EPB41: variants seen among roughly 807,000 people sequenced by gnomAD.
EPB41 encodes the protein erythrocyte membrane protein band 4.1.
A neutral mutation model predicts 108.0 loss-of-function variants in EPB41; 65 were observed. The ratio of observed to expected loss-of-function variants is 0.60; its 90% CI spans 0.49 to 0.74. The LOEUF is 0.74. Among genes scored for constraint, EPB41 ranks in the 30% least tolerant of loss-of-function variants. The pLI is 0.00. For synonymous variants in EPB41, 336 were observed against 358.9 expected, an observed-to-expected ratio of 0.94 and a Z score of 0.72; for missense variants, 875 against 1,037.0, an observed-to-expected ratio of 0.84 and a Z score of 2.15.
At chr1:28,957,651 C>T (rs1431752158) in intron 1 of EPB41, among the ~76,000 whole-genome samples, 2 of 152,176 alleles carry the variant, frequency 1.3e-5, no homozygotes, top group African/African-American at 2.4e-5. Context: ...GCGATCCACC[C>T]GCCTTGGCCT....
chr1:29,051,088 G>GTTTTTTTTTTTTTTTTTTTTTTT (rs71586885), intron 11 of EPB41, among the ~76,000 whole-genome samples: 1 of 51,576 alleles, frequency 1.9e-5, no homozygotes, highest in Non-Finnish European at 3.2e-5. Context: ...TTCTTTTTCT[G>GTTTTTTTTTTTTTTTTTTTTTTT]TTTTTTTTTT....
chr1:29,022,577 C>T (rs573526385), intron 7 of EPB41, among the ~76,000 whole-genome samples: 3 of 150,762 alleles, frequency 2.0e-5, no homozygotes, highest in African/African-American at 5.0e-5. Context: ...AAAAATTAGC[C>T]AGGCATGGTG....
At chr1:28,979,653 A>G (rs1222167904) in intron 1 of EPB41, among the ~76,000 whole-genome samples, 2 of 151,746 alleles carry the variant, frequency 1.3e-5, no homozygotes, top group Non-Finnish European at 2.9e-5. Flanking sequence ...TAAATCTAAT[A>G]TAGCAAAACT....
At chr1:29,107,277 G>A (rs1667525402) in intron 17 of EPB41, among the ~76,000 whole-genome samples, 1 of 152,148 alleles carries the variant, frequency 6.6e-6, no homozygotes, top group African/African-American at 2.4e-5. Context: ...TTCCACAGCT[G>A]GTTACTGTCT....
At chr1:29,048,721 T>C (rs1643964412) in intron 11 of EPB41, among the ~76,000 whole-genome samples, 1 of 152,214 alleles carries the variant, frequency 6.6e-6, no homozygotes, top group Non-Finnish European at 1.5e-5. Flanking sequence ...TTCTTTTTTT[T>C]AGAAAGAGTA....
chr1:28,941,215 A>G (rs2094269708), intron 1 of EPB41, among the ~76,000 whole-genome samples: 1 of 151,688 alleles, frequency 6.6e-6, no homozygotes. Context: ...CAAAAAAAAA[A>G]AACAAAACAA....
At chr1:28,978,199 A>T (rs2095654035) in intron 1 of EPB41, among the ~76,000 whole-genome samples, 1 of 151,310 alleles carries the variant, frequency 6.6e-6, no homozygotes, top group Non-Finnish European at 1.5e-5. Flanking sequence ...CTTGTTTTTT[A>T]CATATGTCCC....
intron 1 of EPB41, among the ~76,000 whole-genome samples, chr1:28,905,769 A>G (rs1411148730): frequency 6.6e-6 from 1 of 151,006 alleles, no homozygotes; most frequent in East Asian, 1.9e-4. Flanking sequence ...TAAGGCTGCA[A>G]CTTATTTGCA....
chr1:28,997,144 C>G, intron 3 of EPB41, 71 bp from the exon 4 acceptor site: 1 of 1,135,490 alleles, frequency 8.8e-7, no homozygotes, highest in East Asian at 2.4e-5. Context: ...AGAGTGAATC[C>G]CCATCTCTTT....
chr1:29,052,327 A>G (rs1187041704), intron 11 of EPB41, among the ~76,000 whole-genome samples: 1 of 152,202 alleles, frequency 6.6e-6, no homozygotes, highest in Non-Finnish European at 1.5e-5. Context: ...GGACATTGCC[A>G]GATATTCTCT....
chr1:29,081,561 C>CA (rs1656618801), intron 16 of EPB41, among the ~76,000 whole-genome samples: 1 of 152,162 alleles, frequency 6.6e-6, no homozygotes, highest in Non-Finnish European at 1.5e-5. Context: ...TTCGGCTGGG[C>CA]ACTGTGGCTC....
At chr1:28,926,412 A>G (rs1032619498) in intron 1 of EPB41, among the ~76,000 whole-genome samples, 2 of 152,220 alleles carry the variant, frequency 1.3e-5, no homozygotes, top group African/African-American at 2.4e-5. Context: ...TCTTTGGAGT[A>G]GGTATTAACC....
chr1:28,953,575 C>T (rs375546052), intron 1 of EPB41, among the ~76,000 whole-genome samples: 1 of 152,162 alleles, frequency 6.6e-6, no homozygotes, highest in Non-Finnish European at 1.5e-5. Flanking sequence ...GGGCAAGACC[C>T]GGTCTCTGAA....
intron 4 of EPB41, among the ~76,000 whole-genome samples, chr1:29,006,067 G>A (rs1477135657): frequency 6.6e-6 from 1 of 151,950 alleles, no homozygotes; most frequent in Non-Finnish European, 1.5e-5. Context: ...CTATTTTAGG[G>A]GACATCTGAA....
chr1:29,001,409 C>T (rs148351872), intron 4 of EPB41, among the ~76,000 whole-genome samples: 1 of 152,186 alleles, frequency 6.6e-6, no homozygotes, highest in East Asian at 1.9e-4. Flanking sequence ...TACAGCTGTC[C>T]CTGGTATCTC....
chr1:28,975,212 G>T (rs141089792), intron 1 of EPB41, among the ~76,000 whole-genome samples: 2 of 152,110 alleles, frequency 1.3e-5, no homozygotes, highest in Non-Finnish European at 2.9e-5. Flanking sequence ...AATTACAGGC[G>T]TGAGTTACCG....
chr1:28,969,532 G>A (rs1325357419), intron 1 of EPB41, among the ~76,000 whole-genome samples: 6 of 151,954 alleles, frequency 3.9e-5, no homozygotes, highest in African/African-American at 1.4e-4. Context: ...TTAGGAGGCC[G>A]AGGCGGGTGG....
chr1:29,038,734 A>G (rs1043076682), intron 10 of EPB41, among the ~76,000 whole-genome samples: 5 of 152,236 alleles, frequency 3.3e-5, no homozygotes, highest in Admixed American at 2.6e-4. Context: ...AGAGTACCAT[A>G]TAGGAAAAAG....
At chr1:28,986,855 T>G (rs1177096936) in intron 1 of EPB41, among the ~76,000 whole-genome samples, 2 of 152,246 alleles carry the variant, frequency 1.3e-5, no homozygotes, top group African/African-American at 4.8e-5. Context: ...TTGCAGTATT[T>G]CAACTGTATA....
Sources: allele counts gnomAD v4.1 joint callset (sites outside exome capture counted in the v4.1 genomes callset), GRCh38; gene constraint gnomAD v4.1.1; transcripts MANE v1.5; gene names NCBI Gene and HGNC (gene_info 2026-07-23, HGNC 2026-07-21).